The following C1QTNF3 variants were observed in gnomAD, a reference collection of about 807,000 sequenced individuals.
C1QTNF3 encodes the protein complement C1q tumor necrosis factor-related protein 3.
C1QTNF3 carries 26 observed loss-of-function variants against 32.6 expected under a neutral mutation model. The observed-to-expected ratio is 0.80, with a 90% confidence interval of 0.58 to 1.11. C1QTNF3 has a LOEUF of 1.11. Ranked by LOEUF, C1QTNF3 falls within the 50% of genes least tolerant of loss-of-function variation. The pLI is 0.00. For synonymous variants in C1QTNF3, 155 were observed against 146.0 expected (o/e 1.06, Z -0.44); for missense variants, 362 against 398.2 (o/e 0.91, Z 0.77).
the C1QTNF3 span, chr5:34,201,006 T>C: frequency 6.6e-6 from 1 of 152,048 alleles, no homozygotes; most frequent in African/African-American, 2.4e-5. Flanking sequence ...AAGAATCTCT[T>C]TGTCTTTATA....
the C1QTNF3 span, among the ~76,000 whole-genome samples, chr5:34,112,159 T>C: frequency 6.6e-6 from 1 of 152,200 alleles, no homozygotes; most frequent in Non-Finnish European, 1.5e-5. Flanking sequence ...TTTTACAACA[T>C]TGCAAGATAT....
chr5:34,071,342 T>C, the C1QTNF3 span, among the ~76,000 whole-genome samples: 1 of 152,224 alleles, frequency 6.6e-6, no homozygotes, highest in Non-Finnish European at 1.5e-5. Flanking sequence ...TTTTTGATTA[T>C]GTATACGTAT....
chr5:34,203,927 A>G, the C1QTNF3 span, among the ~76,000 whole-genome samples: 1 of 152,124 alleles, frequency 6.6e-6, no homozygotes, highest in Admixed American at 6.6e-5. Context: ...ATGACAAAGG[A>G]AGTCATTACA....
chr5:34,079,909 T>C, the C1QTNF3 span, among the ~76,000 whole-genome samples: 1 of 151,702 alleles, frequency 6.6e-6, no homozygotes, highest in Non-Finnish European at 1.5e-5. Flanking sequence ...TTGCTAAAAG[T>C]GTAGATCCTA....
At chr5:34,176,718 A>T in the C1QTNF3 span, among the ~76,000 whole-genome samples, 1 of 152,036 alleles carries the variant, frequency 6.6e-6, no homozygotes, top group Non-Finnish European at 1.5e-5. Flanking sequence ...TTAGCCAAGC[A>T]TGGAGGCACA....
intron 3 of C1QTNF3, among the ~76,000 whole-genome samples, chr5:34,030,943 G>T (rs1269450871): frequency 6.6e-6 from 1 of 152,130 alleles, no homozygotes; most frequent in Non-Finnish European, 1.5e-5. Context: ...AGGATGGAAG[G>T]TGGGAGGAGG....
the C1QTNF3 span, among the ~76,000 whole-genome samples, chr5:34,132,891 T>C: frequency 1.3e-5 from 2 of 152,184 alleles, no homozygotes; most frequent in Non-Finnish European, 2.9e-5. Context: ...AGAATCATAA[T>C]GAGACACATT....
chr5:34,174,009 T>A, the C1QTNF3 span, among the ~76,000 whole-genome samples: 1 of 152,200 alleles, frequency 6.6e-6, no homozygotes, highest in East Asian at 1.9e-4. Context: ...CCAAAAGTTG[T>A]GAATGCCAAT....
At chr5:34,102,747 A>G in the C1QTNF3 span, among the ~76,000 whole-genome samples, 1 of 152,282 alleles carries the variant, frequency 6.6e-6, no homozygotes, top group Non-Finnish European at 1.5e-5. Flanking sequence ...TCGCAAGGAC[A>G]AAAAACCAAA....
At chr5:34,134,854 C>T in the C1QTNF3 span, among the ~76,000 whole-genome samples, 3 of 152,156 alleles carry the variant, frequency 2.0e-5, no homozygotes, top group Admixed American at 2.0e-4. Context: ...AATATACAAC[C>T]ATGTCATCTG....
the C1QTNF3 span, among the ~76,000 whole-genome samples, chr5:34,115,545 AC>A: frequency 6.6e-6 from 1 of 152,060 alleles, no homozygotes; most frequent in Admixed American, 6.6e-5. Flanking sequence ...CCTGGCTAAC[AC>A]GGTGAAACCC....
At chr5:34,070,921 A>C in the C1QTNF3 span, among the ~76,000 whole-genome samples, 3 of 152,168 alleles carry the variant, frequency 2.0e-5, no homozygotes, top group Admixed American at 1.3e-4. Context: ...GTGCCCTTCA[A>C]ATAACTTCAG....
the C1QTNF3 span, among the ~76,000 whole-genome samples, chr5:34,082,142 TG>T: frequency 1.3e-5 from 2 of 151,764 alleles, no homozygotes; most frequent in East Asian, 3.9e-4. Context: ...TACATTGCAA[TG>T]CAAGGAAATA....
the C1QTNF3 span, among the ~76,000 whole-genome samples, chr5:34,234,588 A>AGGG: frequency 3.3e-5 from 5 of 152,140 alleles, no homozygotes; most frequent in African/African-American, 1.2e-4. Context: ...GTCAAAACAC[A>AGGG]AATTATCTGT....
chr5:34,136,687 G>C, the C1QTNF3 span, among the ~76,000 whole-genome samples: 1 of 152,116 alleles, frequency 6.6e-6, no homozygotes, highest in Admixed American at 6.5e-5. Context: ...CTACTATAAA[G>C]ACACGTGCAC....
chr5:34,218,311 T>G, the C1QTNF3 span: 4 of 151,014 alleles, frequency 2.6e-5, no homozygotes, highest in African/African-American at 9.9e-5. Context: ...AAAAATAGTC[T>G]AAGGCTGGTT....
chr5:34,079,208 C>T, the C1QTNF3 span, among the ~76,000 whole-genome samples: 2 of 151,486 alleles, frequency 1.3e-5, no homozygotes, highest in African/African-American at 4.9e-5. Context: ...ATTATTACAT[C>T]TCTGAAAAAA....
the C1QTNF3 span, among the ~76,000 whole-genome samples, chr5:34,145,094 A>G: frequency 6.6e-6 from 1 of 152,116 alleles, no homozygotes; most frequent in Non-Finnish European, 1.5e-5. Flanking sequence ...GTGCCACTGC[A>G]CTCCAGCCTG....
the C1QTNF3 span, among the ~76,000 whole-genome samples, chr5:34,104,877 T>C: frequency 4.3e-4 from 65 of 152,116 alleles, no homozygotes; most frequent in Non-Finnish European, 7.9e-4. Context: ...ACTTTTTTTT[T>C]TTAAGGCTAA....
Sources: allele counts gnomAD v4.1 joint callset (sites outside exome capture counted in the v4.1 genomes callset), GRCh38; gene constraint gnomAD v4.1.1; transcripts MANE v1.5; gene names NCBI Gene and HGNC (gene_info 2026-07-23, HGNC 2026-07-21).